Variants in CGNL1 observed in about 807,000 individuals in gnomAD.
The protein encoded by CGNL1 is cingulin like 1, also known as cingulin-like protein 1.
Under a neutral mutation model 141.2 loss-of-function variants are expected in CGNL1, and 132 were observed. The observed-to-expected ratio is 0.93, with a 90% CI of 0.81 to 1.08. CGNL1 has a LOEUF of 1.08. Ranked by LOEUF, CGNL1 falls within the 50% of genes least tolerant of loss-of-function variation. The pLI is 0.00. For missense variants in CGNL1, 1,870 were observed against 1,588.6 expected (o/e 1.18, Z -3.01); for synonymous variants, 690 against 622.1 (o/e 1.11, Z -1.63).
chr15:57,438,160 A>G lies in CGNL1; in HGVS notation c.161A>G (p.Tyr54Cys), dbSNP rs756984832. The change falls in exon 2 of 19, where the codon TAT becomes TGT. Residue 54 changes from tyrosine (Y) to cysteine (C), a missense_variant. Tyr to Cys is a radical substitution (Grantham distance 194, BLOSUM62 -2). Coordinates refer to ENST00000281282, the MANE Select transcript of CGNL1 (RefSeq NM_032866.5). ...IRVQGIDGHP[Y>C]IVLNNTERCL... ...GTCCAGGGAATTGATGGTCACCCCT[A>G]TATTGTCCTGAATAACACAGAACGG... 5.0e-6 allele frequency: 8 copies of G among 1,614,132 alleles called. No individual in the cohort carries two copies. The highest frequency in any genetic ancestry group is 1.1e-5 in the South Asian group (1 of 91,082).
intron 7 of CGNL1, among the ~76,000 whole-genome samples, chr15:57,460,576 A>T (rs1452367632): frequency 2.0e-5 from 3 of 152,206 alleles, no homozygotes; most frequent in African/African-American, 7.2e-5. Flanking sequence ...AGGCCTCAGG[A>T]AACTTCATGG....
intron 1 of CGNL1, among the ~76,000 whole-genome samples, chr15:57,401,324 G>C (rs571269832): frequency 6.0e-4 from 91 of 152,240 alleles, no homozygotes; most frequent in Non-Finnish European, 8.7e-4. Context: ...AATAGGGTTG[G>C]ACGGTGTATA....
intron 1 of CGNL1, among the ~76,000 whole-genome samples, chr15:57,396,369 G>A (rs1412459774): frequency 6.6e-6 from 1 of 151,508 alleles, no homozygotes; most frequent in Non-Finnish European, 1.5e-5. Context: ...CCACCTCTGG[G>A]TTCAGGTGAT....
At chr15:57,418,166 G>C (rs950969641) in intron 1 of CGNL1, among the ~76,000 whole-genome samples, 1 of 152,160 alleles carries the variant, frequency 6.6e-6, no homozygotes, top group Non-Finnish European at 1.5e-5. Context: ...GTGGATCAGG[G>C]ATGCTGGGTT....
chr15:57,460,527 A>C (rs537622669), intron 7 of CGNL1, among the ~76,000 whole-genome samples: 1 of 152,308 alleles, frequency 6.6e-6, no homozygotes, highest in East Asian at 1.9e-4. Context: ...TTTATAAACA[A>C]AGGAGGTTTA....
intron 14 of CGNL1, among the ~76,000 whole-genome samples, chr15:57,542,507 TC>T (rs2032622382): frequency 6.6e-6 from 1 of 152,182 alleles, no homozygotes; most frequent in Non-Finnish European, 1.5e-5. Context: ...TGGGATTTCT[TC>T]CCTGGTGCTA....
At chr15:57,384,050 C>T (rs535969443) in intron 1 of CGNL1, among the ~76,000 whole-genome samples, 4 of 110,770 alleles carry the variant, frequency 3.6e-5, no homozygotes, top group African/African-American at 1.4e-4. Flanking sequence ...CTTGGGCCAC[C>T]TATAAGCTTT....
At chr15:57,383,631 C>CTTTTCTTTTCTTTTCT (rs1555428914) in intron 1 of CGNL1, among the ~76,000 whole-genome samples, 2 of 37,978 alleles carry the variant, frequency 5.3e-5, no homozygotes, top group African/African-American at 2.4e-4. Flanking sequence ...CTTTTCTTTT[C>CTTTTCTTTTCTTTTCT]TTTTTTTTTT....
At chr15:57,475,087 G>A (rs895883294) in intron 8 of CGNL1, among the ~76,000 whole-genome samples, 1 of 152,118 alleles carries the variant, frequency 6.6e-6, no homozygotes, top group Non-Finnish European at 1.5e-5. Context: ...TGCTGCCCTG[G>A]TTCAGGCCTC....
At chr15:57,528,601 C>T in intron 12 of CGNL1, 53 bp from the exon 13 acceptor site, 1 of 1,591,950 alleles carries the variant, frequency 6.3e-7, no homozygotes, top group Non-Finnish European at 8.6e-7. Flanking sequence ...CTGTGGAGGT[C>T]TCTATGCTCT....
chr15:57,512,096 GCCTTTGCCACATCCATGAGA>G (rs2030360683), intron 8 of CGNL1, among the ~76,000 whole-genome samples: 1 of 152,068 alleles, frequency 6.6e-6, no homozygotes, highest in Non-Finnish European at 1.5e-5. Context: ...CAGTTCTGCT[GCCTTTGCCACATCCATGAGA>G]CACAAAGTCT....
chr15:57,484,649 C>CAA (rs1242700052), intron 8 of CGNL1, among the ~76,000 whole-genome samples: 1 of 152,104 alleles, frequency 6.6e-6, no homozygotes. Context: ...CTGCACCTAT[C>CAA]AAACCATCAT....
intron 1 of CGNL1, among the ~76,000 whole-genome samples, chr15:57,423,015 A>G (rs1254054341): frequency 6.6e-6 from 1 of 152,076 alleles, no homozygotes; most frequent in Admixed American, 6.6e-5. Flanking sequence ...GTAGGCATGA[A>G]TGGCTATGGG....
chr15:57,475,183 G>C (rs1389998652), intron 8 of CGNL1, among the ~76,000 whole-genome samples: 1 of 152,130 alleles, frequency 6.6e-6, no homozygotes, highest in Non-Finnish European at 1.5e-5. Context: ...ACAAGTCCCT[G>C]GTGGCTTCCC....
Position 57,543,683 on chromosome 15 carries a change from C to T in CGNL1, c.3292-13C>T. The stretch of plus-strand genomic sequence containing the variant: ...TCCTTCTAACCTCTGGGCTTTTGTT[C>T]TGCTTGCTGTAGATGGAGCAGTTGA... On this transcript the variant is annotated splice_polypyrimidine_tract_variant and intron_variant, in intron 14 of 18. Coordinates refer to ENST00000281282, the MANE Select transcript of CGNL1 (RefSeq NM_032866.5). 6.2e-7 allele frequency: 1 copy of T among 1,610,130 alleles called. No homozygotes were observed. The highest frequency in any genetic ancestry group is 2.2e-5 in the East Asian group (1 of 44,854).
intron 1 of CGNL1, 131 bp downstream of exon 1, chr15:57,376,698 G>T (rs2062366776): frequency 6.6e-6 from 1 of 151,610 alleles, no homozygotes; most frequent in African/African-American, 2.4e-5. Flanking sequence ...CTCAGTCCGC[G>T]CGTCCACTCT....
At chr15:57,383,928 C>T (rs1391197798) in intron 1 of CGNL1, among the ~76,000 whole-genome samples, 4 of 152,106 alleles carry the variant, frequency 2.6e-5, no homozygotes, top group South Asian at 2.1e-4. Context: ...CGTGAGCCAC[C>T]GTGCCCAGCC....
chr15:57,409,590 G>A (rs1468501360), intron 1 of CGNL1, among the ~76,000 whole-genome samples: 1 of 152,084 alleles, frequency 6.6e-6, no homozygotes, highest in African/African-American at 2.4e-5. Flanking sequence ...TCAGGAGGCA[G>A]GGTCAACAGG....
chr15:57,392,839 T>G (rs1366899704), intron 1 of CGNL1, among the ~76,000 whole-genome samples: 4 of 152,178 alleles, frequency 2.6e-5, no homozygotes, highest in African/African-American at 9.7e-5. Context: ...CATTTTTTTT[T>G]AAAGGAAAAA....
Sources: allele counts gnomAD v4.1 joint callset (sites outside exome capture counted in the v4.1 genomes callset), GRCh38; gene constraint gnomAD v4.1.1; transcripts MANE v1.5; gene names NCBI Gene and HGNC (gene_info 2026-07-23, HGNC 2026-07-21).